Variants in GOLGB1 observed in about 807,000 individuals in gnomAD.
GOLGB1 encodes the protein golgin B1.
A neutral mutation model predicts 336.9 loss-of-function variants in GOLGB1; 174 were observed. The ratio of observed to expected loss-of-function variants is 0.52; its 90% CI spans 0.46 to 0.59. GOLGB1 has a LOEUF of 0.59. GOLGB1 is among the 20% of genes least tolerant of loss of function. The pLI is 0.00. For synonymous variants in GOLGB1, 1,208 were observed against 1,289.2 expected, an observed-to-expected ratio of 0.94 and a Z score of 1.35; for missense variants, 3,331 against 3,645.3, an observed-to-expected ratio of 0.91 and a Z score of 2.22.
chr3:121,714,525 C>G (rs200215111), intron 10 of GOLGB1, among the ~76,000 whole-genome samples: 1 of 125,752 alleles, frequency 8.0e-6, no homozygotes, highest in African/African-American at 3.0e-5. Flanking sequence ...CTTAGTTTAC[C>G]AAAAAAAAAA....
rs368299592 is a variant in GOLGB1, at chr3:121,674,984, C to T, written c.9177+1909G>A. 1.5e-3 allele frequency among the ~76,000 whole-genome samples: 232 copies of T among 151,426 alleles called. 1 individual carries two copies. Among genetic ancestry groups the T allele is most frequent in the African/African-American group, 5.3e-3 (217 of 41,314 alleles). On this transcript the variant is annotated intron_variant, in intron 17 of 21. Coordinates refer to ENST00000614479, the MANE Select transcript of GOLGB1 (RefSeq NM_001366282.2). ...CCGAGTAGCTGGGACTACAGGCGCCCGCCACCGCGCCCGGCTAATTTTTTT... is the reference window on the plus strand; with the variant it reads ...CCGAGTAGCTGGGACTACAGGCGCCTGCCACCGCGCCCGGCTAATTTTTTT...
chr3:121,683,045 T>G (rs185285511), intron 14 of GOLGB1, among the ~76,000 whole-genome samples: 2,117 of 147,692 alleles, frequency 0.014, 24 homozygotes, highest in Middle Eastern at 0.034. Flanking sequence ...AAGAAGCAAT[T>G]TCTTTTAATT....
intron 11 of GOLGB1, among the ~76,000 whole-genome samples, chr3:121,700,641 T>G (rs1268326856): frequency 6.6e-6 from 1 of 152,104 alleles, no homozygotes; most frequent in Non-Finnish European, 1.5e-5. Flanking sequence ...TATTGCCCCC[T>G]TTTTGTTCAC....
At chr3:121,715,675 A>G (rs1007165816) in intron 9 of GOLGB1, among the ~76,000 whole-genome samples, 3 of 151,954 alleles carry the variant, frequency 2.0e-5, no homozygotes, top group African/African-American at 4.8e-5. Flanking sequence ...CTCATGTAAC[A>G]CCCTGGTCTT....
intron 9 of GOLGB1, among the ~76,000 whole-genome samples, chr3:121,716,001 A>C (rs567179490): frequency 1.3e-5 from 2 of 152,156 alleles, no homozygotes; most frequent in South Asian, 4.1e-4. Context: ...ACAAAAAAAA[A>C]AAAACAAAAA....
chr3:121,738,501 T>G (rs775932480), intron 1 of GOLGB1, among the ~76,000 whole-genome samples: 7 of 151,946 alleles, frequency 4.6e-5, no homozygotes, highest in African/African-American at 1.7e-4. Flanking sequence ...TGGGAGGAAA[T>G]TGAGGGAAGC....
At chr3:121,731,025 G>GGAGAA in intron 1 of GOLGB1, 52 bp from the exon 2 acceptor site, 1 of 1,564,180 alleles carries the variant, frequency 6.4e-7, no homozygotes, top group South Asian at 1.2e-5. Flanking sequence ...AATGAACATA[G>GGAGAA]GCTTCTCCTA....
chr3:121,740,527 GT>G (rs1946780714), intron 1 of GOLGB1, among the ~76,000 whole-genome samples: 1 of 152,140 alleles, frequency 6.6e-6, no homozygotes, highest in Non-Finnish European at 1.5e-5. Flanking sequence ...ACCAATGTTG[GT>G]TTCTTAATTT....
chr3:121,673,141 C>A (rs147520289), intron 17 of GOLGB1, among the ~76,000 whole-genome samples: 3,000 of 151,576 alleles, frequency 0.02, 80 homozygotes, highest in African/African-American at 0.068. Flanking sequence ...GCGATCTCGG[C>A]TCACTGTAAC....
chr3:121,698,480 T>A lies in GOLGB1; in HGVS notation c.2043A>T (p.Pro681=). The change falls in exon 13 of 22, where the codon CCA becomes CCT. Residue 681 remains proline (P), a synonymous_variant. Coordinates refer to ENST00000614479, the MANE Select transcript of GOLGB1 (RefSeq NM_001366282.2). ...QDGDKSLSAV[P]DIGQCHQDEL... ...CATCCTGATGACACTGACCAATATC[T>A]GGTACAGCAGAAAGGGATTTATCAC... 1 of 1,613,718 alleles carries A rather than the reference T, an allele frequency of 6.2e-7. No homozygotes were observed. Among genetic ancestry groups the A allele is most frequent in the South Asian group, 1.1e-5 (1 of 91,068 alleles).
intron 11 of GOLGB1, among the ~76,000 whole-genome samples, chr3:121,701,475 C>G (rs1016743250): frequency 6.6e-6 from 1 of 152,056 alleles, no homozygotes; most frequent in African/African-American, 2.4e-5. Context: ...AATACTGGCT[C>G]TAGAGTTTAA....
chr3:121,715,160 A>G (rs1944658981), intron 9 of GOLGB1, among the ~76,000 whole-genome samples, 184 bp from the exon 10 acceptor site: 2 of 151,956 alleles, frequency 1.3e-5, no homozygotes, highest in South Asian at 4.1e-4. Context: ...AGGACACCTC[A>G]GTAAATCACT....
At chr3:121,744,154 TTGAGAAACA>T (rs1204707925) in intron 1 of GOLGB1, among the ~76,000 whole-genome samples, 2 of 152,112 alleles carry the variant, frequency 1.3e-5, no homozygotes, top group Admixed American at 6.5e-5. Flanking sequence ...ATGGCAACAA[TTGAGAAACA>T]TTTAATTTAA....
chr3:121,683,733 T>C (rs1941372693), intron 14 of GOLGB1, among the ~76,000 whole-genome samples: 1 of 152,110 alleles, frequency 6.6e-6, no homozygotes, highest in Admixed American at 6.6e-5. Flanking sequence ...GAGATAACAT[T>C]GTAAATAAGA....
At chr3:121,680,661 A>G (rs1940964284) in intron 15 of GOLGB1, among the ~76,000 whole-genome samples, 1 of 152,208 alleles carries the variant, frequency 6.6e-6, no homozygotes, top group African/African-American at 2.4e-5. Flanking sequence ...AAAATAATAA[A>G]TTGGATTTCA....
In GOLGB1 at chr3:121,692,069, A is replaced by G; in HGVS notation, c.7295T>C (p.Leu2432Ser). 6.2e-7 allele frequency: 1 copy of G among 1,613,298 alleles called. No individual in the cohort carries two copies. Among genetic ancestry groups the G allele is most frequent in the Non-Finnish European group, 8.5e-7 (1 of 1,179,736 alleles). Residue 2432 changes from leucine to serine, a missense_variant, in exon 14 of 22, where the codon TTA becomes TCA. Leu to Ser is a moderately radical substitution (Grantham distance 145). Coordinates refer to ENST00000614479, the MANE Select transcript of GOLGB1 (RefSeq NM_001366282.2). ...AACAGCCTTTTTGTTCTCCTCTTCT[A>G]AAACAATATTCTCCTCTTCCTCCTG... is the stretch of plus-strand genomic sequence containing the variant. ...LSQEEEENIV[L>S]EEENKKAVDK... is the part of the protein sequence containing the mutation.
chr3:121,685,405 T>G (rs1321097504), intron 14 of GOLGB1, among the ~76,000 whole-genome samples: 1 of 151,820 alleles, frequency 6.6e-6, no homozygotes, highest in Non-Finnish European at 1.5e-5. Flanking sequence ...CAAGGTGGCG[T>G]GCACCTGTAG....
rs745651336 is a variant in GOLGB1 at position 121,664,563 on chromosome 3, G to A, written c.9712C>T (p.Arg3238Trp). The change falls in exon 22 of 22, where the codon CGG (arginine) becomes TGG (tryptophan). Residue 3238 changes from arginine to tryptophan, a missense_variant. Physicochemically the swap from Arg to Trp is moderately radical, Grantham distance 101 (BLOSUM62 -3). Coordinates refer to ENST00000614479, the MANE Select transcript of GOLGB1 (RefSeq NM_001366282.2). ...GCTGCTAGAAGTGGCACTCGGGTCCGTGAATGACAGAGTGAACGCAGGACT... is the reference window on the plus strand; with the variant it reads ...GCTGCTAGAAGTGGCACTCGGGTCCATGAATGACAGAGTGAACGCAGGACT... Reference protein sequence around the residue: ...KRVLRSLCHSRTRVPLLAAIY... With the variant: ...KRVLRSLCHSWTRVPLLAAIY... The A allele has an allele frequency of 2.5e-5, 40 of 1,612,408 alleles. No homozygotes were observed. Among genetic ancestry groups the A allele is most frequent in the Admixed American group, 5.0e-5 (3 of 60,002 alleles).
At chr3:121,747,701 T>C (rs1947465637) in intron 1 of GOLGB1, among the ~76,000 whole-genome samples, 1 of 152,034 alleles carries the variant, frequency 6.6e-6, no homozygotes, top group Non-Finnish European at 1.5e-5. Flanking sequence ...TGCTTTATTA[T>C]GATCAGAAAG....
Sources: gnomAD v4.1 joint callset for allele counts (sites outside exome capture counted in the v4.1 genomes callset) on GRCh38, gnomAD v4.1.1 for gene constraint, MANE v1.5 for transcripts, NCBI Gene and HGNC (gene_info 2026-07-23, HGNC 2026-07-21) for gene names.